Variants in GPC5 observed in about 807,000 individuals in gnomAD.
GPC5 encodes the protein glypican 5, also known as glypican-5.
Under a neutral mutation model 53.9 loss-of-function variants are expected in GPC5, and 47 were observed. The ratio of observed to expected loss-of-function variants is 0.87; its 90% CI spans 0.69 to 1.11. GPC5 has a LOEUF of 1.11. GPC5 is among the 50% of genes most tolerant of loss of function. The probability of loss-of-function intolerance (pLI) is 0.00; values close to 1 mark genes in which losing one functional copy is unlikely to be tolerated. For missense variants in GPC5, 748 were observed against 713.1 expected (o/e 1.05, Z -0.56); for synonymous variants, 286 against 263.3 (o/e 1.09, Z -0.84).
At chr13:92,508,293 T>C (rs1249848315) in intron 7 of GPC5, among the ~76,000 whole-genome samples, 1 of 152,194 alleles carries the variant, frequency 6.6e-6, no homozygotes, top group African/African-American at 2.4e-5. Context: ...TAAATTAGCA[T>C]TCATTTGTAA....
At chr13:91,985,462 G>A (rs1437966457) in intron 6 of GPC5, among the ~76,000 whole-genome samples, 2 of 150,704 alleles carry the variant, frequency 1.3e-5, no homozygotes, top group African/African-American at 4.9e-5. Flanking sequence ...TTGGTTTAAA[G>A]TCTATCATCT....
chr13:92,455,622 G>A (rs1311449630), intron 7 of GPC5, among the ~76,000 whole-genome samples: 1 of 152,058 alleles, frequency 6.6e-6, no homozygotes, highest in East Asian at 1.9e-4. Flanking sequence ...AAAACAATTG[G>A]TTAAATGCTA....
intron 5 of GPC5, among the ~76,000 whole-genome samples, chr13:91,839,400 T>C (rs1384504732): frequency 2.6e-5 from 4 of 152,174 alleles, no homozygotes; most frequent in Admixed American, 2.6e-4. Flanking sequence ...ATATCAGCAC[T>C]GAACAATATT....
At chr13:91,785,478 A>G (rs72644029) in intron 5 of GPC5, among the ~76,000 whole-genome samples, 23,666 of 151,950 alleles carry the variant, frequency 0.16, 2,483 homozygotes, top group Non-Finnish European at 0.23. Context: ...TCAGAGTTAC[A>G]CCTTTAAATA....
intron 7 of GPC5, among the ~76,000 whole-genome samples, chr13:92,256,346 A>G (rs976136546): frequency 1.2e-4 from 18 of 152,020 alleles, no homozygotes; most frequent in African/African-American, 4.3e-4. Context: ...GGATAGATAT[A>G]CTTTAATATA....
intron 2 of GPC5, among the ~76,000 whole-genome samples, chr13:91,658,609 C>A (rs566254103): frequency 1.3e-5 from 2 of 152,130 alleles, no homozygotes; most frequent in South Asian, 2.1e-4. Context: ...GCATCTGAAT[C>A]ATGTTTAATG....
chr13:92,792,510 C>A (rs898886938), intron 7 of GPC5, among the ~76,000 whole-genome samples: 1 of 152,064 alleles, frequency 6.6e-6, no homozygotes, highest in African/African-American at 2.4e-5. Context: ...CAGCTAACAT[C>A]ATAATGACAG....
chr13:92,058,372 T>C (rs919230979), intron 6 of GPC5, among the ~76,000 whole-genome samples: 1 of 152,136 alleles, frequency 6.6e-6, no homozygotes, highest in Admixed American at 6.5e-5. Flanking sequence ...GCATTTTTAG[T>C]TTGAGAGCAA....
intron 7 of GPC5, among the ~76,000 whole-genome samples, chr13:92,818,630 G>T (rs2138807431): frequency 6.6e-6 from 1 of 151,936 alleles, no homozygotes; most frequent in African/African-American, 2.4e-5. Flanking sequence ...AAAATGTCTG[G>T]CTCCGATATT....
chr13:92,416,694 A>G (rs1876313014), intron 7 of GPC5, among the ~76,000 whole-genome samples: 1 of 152,210 alleles, frequency 6.6e-6, no homozygotes. Context: ...TCAAAAGCAC[A>G]AGTTCCAAAA....
At chr13:92,527,183 A>AAGAAAGAAAG (rs1881350267) in intron 7 of GPC5, among the ~76,000 whole-genome samples, 2 of 14,946 alleles carry the variant, frequency 1.3e-4, no homozygotes, top group African/African-American at 4.5e-4. Context: ...AGAAAGAAAG[A>AAGAAAGAAAG]AGAAAGAAAG....
intron 6 of GPC5, among the ~76,000 whole-genome samples, chr13:91,959,579 A>T (rs979580927): frequency 3.9e-5 from 6 of 152,124 alleles, no homozygotes; most frequent in African/African-American, 1.4e-4. Context: ...AAACCAGCTT[A>T]GGACACAACA....
Position 91,830,857 on chromosome 13 carries a change from C to A in GPC5, c.1280+74437C>A, listed in dbSNP as rs1341610887. Among the ~76,000 whole-genome samples, 89 of 118,188 alleles carry A rather than the reference C, an allele frequency of 7.5e-4. 2 individuals carry two copies. Among genetic ancestry groups the A allele is most frequent in the Middle Eastern group, 4.7e-3 (1 of 214 alleles). The allele number at this position is 118,188 out of a possible 152,430, so 77.5% of individuals were successfully genotyped here. ...TCCTATTATATATAATATATATATC[C>A]TATTATATATAATATATATCCTATT... On this transcript the variant is annotated intron_variant, in intron 5 of 7. Transcript: ENST00000377067.
chr13:91,693,359 T>C lies in GPC5; in HGVS notation c.498T>C (p.Phe166=), dbSNP rs948252692. The C allele has an allele frequency of 1.2e-6, 2 of 1,613,994 alleles. No homozygotes were observed. Among genetic ancestry groups the C allele is most frequent in the Non-Finnish European group, 1.7e-6 (2 of 1,180,028 alleles). The change falls in exon 3 of 8, where the codon TTT becomes TTC. Residue 166 remains phenylalanine, a synonymous_variant. Coordinates refer to ENST00000377067, the MANE Select transcript of GPC5 (RefSeq NM_004466.6). ...ATCCTGAAGAATTTGTAAACAGATT[T>C]TTTGACAGTCTTTTTCCTCTGGTCT... ...DVNPEEFVNR[F]FDSLFPLVYN...
At chr13:91,625,844 G>C (rs1431997743) in intron 2 of GPC5, among the ~76,000 whole-genome samples, 1 of 152,006 alleles carries the variant, frequency 6.6e-6, no homozygotes, top group Non-Finnish European at 1.5e-5. Context: ...GATCAGTTCA[G>C]AAGAAGTGCC....
chr13:92,046,765 A>C (rs1381977142), intron 6 of GPC5, among the ~76,000 whole-genome samples: 2 of 152,228 alleles, frequency 1.3e-5, no homozygotes, highest in African/African-American at 4.8e-5. Flanking sequence ...AGAATTTTAC[A>C]TCATTGGAAA....
chr13:92,116,609 G>A (rs1025941507), intron 6 of GPC5, among the ~76,000 whole-genome samples: 33 of 152,348 alleles, frequency 2.2e-4, no homozygotes, highest in African/African-American at 7.2e-4. Flanking sequence ...AACAATGTAT[G>A]CTAAACATCA....
chr13:91,871,417 C>T (rs909287413), intron 5 of GPC5, among the ~76,000 whole-genome samples: 4 of 151,500 alleles, frequency 2.6e-5, no homozygotes, highest in East Asian at 1.9e-4. Flanking sequence ...CTTAATGCCT[C>T]GGTGATGAAA....
intron 7 of GPC5, among the ~76,000 whole-genome samples, chr13:92,646,055 T>C (rs1219261920): frequency 6.6e-6 from 1 of 152,120 alleles, no homozygotes; most frequent in African/African-American, 2.4e-5. Context: ...ATTTTTATTT[T>C]TATTATTTAT....
Sources: gnomAD v4.1 joint callset for allele counts (sites outside exome capture counted in the v4.1 genomes callset) on GRCh38, gnomAD v4.1.1 for gene constraint, MANE v1.5 for transcripts, NCBI Gene and HGNC (gene_info 2026-07-23, HGNC 2026-07-21) for gene names.